ADK: variants seen among roughly 807,000 people sequenced by gnomAD.
ADK encodes adenosine kinase.
In ADK, 24 loss-of-function variants were observed where a neutral mutation model predicts 44.7. The ratio of observed to expected loss-of-function variants is 0.54; its 90% CI spans 0.39 to 0.76. The LOEUF is 0.76. Among genes scored for constraint, ADK ranks in the 30% least tolerant of loss-of-function variants. The pLI is 0.00. For synonymous variants in ADK, 128 were observed against 142.6 expected, an observed-to-expected ratio of 0.90 and a Z score of 0.73; for missense variants, 321 against 425.1, an observed-to-expected ratio of 0.76 and a Z score of 2.15.
At chr10:74,158,342 C>T (rs1465768572) in intron 1 of ADK, among the ~76,000 whole-genome samples, 1 of 152,110 alleles carries the variant, frequency 6.6e-6, no homozygotes, top group Non-Finnish European at 1.5e-5. Context: ...TACCAAATAC[C>T]TCTGAAACTT....
At chr10:74,414,708 C>CT (rs1844308288) in intron 6 of ADK, among the ~76,000 whole-genome samples, 2 of 151,608 alleles carry the variant, frequency 1.3e-5, no homozygotes, top group Non-Finnish European at 2.9e-5. Flanking sequence ...GAGACTCCAT[C>CT]TCAAAAAAAA....
chr10:74,218,367 T>A (rs949508793), intron 2 of ADK, among the ~76,000 whole-genome samples: 39 of 152,156 alleles, frequency 2.6e-4, no homozygotes, highest in Non-Finnish European at 5.3e-4. Flanking sequence ...TATGGGACTA[T>A]GTGAAAAGAC....
At chr10:74,690,830 G>A (rs1001397759) in intron 10 of ADK, among the ~76,000 whole-genome samples, 1 of 152,122 alleles carries the variant, frequency 6.6e-6, no homozygotes, top group Non-Finnish European at 1.5e-5. Flanking sequence ...GACTCCTTTG[G>A]TGCACCCAAA....
At chr10:74,663,418 T>G (rs1051360692) in intron 9 of ADK, among the ~76,000 whole-genome samples, 1 of 151,958 alleles carries the variant, frequency 6.6e-6, no homozygotes, top group African/African-American at 2.4e-5. Context: ...AGAGTCTTAA[T>G]AAATATTTAT....
chr10:74,175,002 CAGTGATAG>C (rs1326039531), intron 1 of ADK, among the ~76,000 whole-genome samples: 6 of 152,286 alleles, frequency 3.9e-5, no homozygotes, highest in African/African-American at 1.4e-4. Flanking sequence ...ATCACAGGGA[CAGTGATAG>C]GTAAAGCTAA....
In ADK at chr10:74,304,867, G is replaced by T. The variant is rs185507624; in HGVS notation, c.195-9800G>T. ...GCTTAAATATCGTGGAACACAAAAAGAAATAGTCTTTAATGCTGTGTTTTA... is the reference window on the plus strand; with the variant it reads ...GCTTAAATATCGTGGAACACAAAAATAAATAGTCTTTAATGCTGTGTTTTA... On this transcript the variant is annotated intron_variant, in intron 3 of 10. Transcript: ENST00000539909. Among the ~76,000 whole-genome samples, 7 of 152,174 alleles carry T rather than the reference G, an allele frequency of 4.6e-5. No individual in the cohort carries two copies. The East Asian group carries it at 1.2e-3, about 25-fold the overall frequency.
At chr10:74,463,210 G>T (rs1589135729) in intron 6 of ADK, among the ~76,000 whole-genome samples, 1 of 152,058 alleles carries the variant, frequency 6.6e-6, no homozygotes, top group Admixed American at 6.6e-5. Context: ...ACAGGGCAGG[G>T]TGGGGGAGGG....
At position 74,614,558 on chromosome 10, in the gene ADK, T is replaced by C. The variant is rs78918491; in HGVS notation, c.877+14065T>C. Among the ~76,000 whole-genome samples, 820 of 152,250 alleles carry C rather than the reference T, an allele frequency of 5.4e-3. 8 individuals carry two copies. The highest frequency in any genetic ancestry group is 0.019 in the African/African-American group (777 of 41,568). ...TCTCCTTGTGCCCCCTCCTAATCTT[T>C]ATCCCCACTGAAGGTAACCATTGTC... On this transcript the variant is annotated intron_variant, in intron 9 of 10. Transcript: ENST00000539909.
intron 9 of ADK, among the ~76,000 whole-genome samples, chr10:74,634,409 G>A (rs1853550689): frequency 1.3e-5 from 2 of 151,884 alleles, no homozygotes; most frequent in South Asian, 4.2e-4. Context: ...TAGTGGAGAC[G>A]GGGTTTCACC....
chr10:74,508,392 G>C (rs1287892671), intron 6 of ADK: 1 of 152,168 alleles, frequency 6.6e-6, no homozygotes, highest in Non-Finnish European at 1.5e-5. Flanking sequence ...GGAGGCAGAA[G>C]ACTTTCTAAC....
chr10:74,597,870 A>G (rs1851975807), intron 8 of ADK, among the ~76,000 whole-genome samples: 1 of 152,184 alleles, frequency 6.6e-6, no homozygotes, highest in Non-Finnish European at 1.5e-5. Flanking sequence ...TAATTTTAGC[A>G]TCACTAAACT....
Position 74,539,673 on chromosome 10 carries a change from G to A in ADK, c.726+14247G>A, listed in dbSNP as rs928677774. Among the ~76,000 whole-genome samples the A allele has an allele frequency of 5.3e-5, 8 of 152,118 alleles. No homozygotes were observed. The East Asian group carries it at 1.2e-3, about 22-fold the overall frequency. ...AAGGAATTGGGAAAGAAACTTTATC[G>A]GAGGATATACATAACCCCTTCAGAA... On this transcript the variant is annotated intron_variant, in intron 7 of 10. Transcript: ENST00000539909.
At chr10:74,308,056 G>A (rs1840315480) in intron 3 of ADK, among the ~76,000 whole-genome samples, 1 of 152,234 alleles carries the variant, frequency 6.6e-6, no homozygotes, top group Middle Eastern at 3.4e-3. Flanking sequence ...CTTACAATGG[G>A]TAGAAACCTA....
chr10:74,187,716 G>GT (rs1344770049), intron 1 of ADK, among the ~76,000 whole-genome samples: 2 of 151,980 alleles, frequency 1.3e-5, no homozygotes, highest in African/African-American at 2.4e-5. Context: ...TTCTCTCATG[G>GT]TTTTTTTCTA....
In ADK at chr10:74,507,474, G is replaced by A. The variant is rs544587372; in HGVS notation, c.556-17782G>A. On this transcript the variant is annotated intron_variant, in intron 6 of 10. Coordinates refer to ENST00000539909, the MANE Select transcript of ADK (RefSeq NM_006721.4). ...CAAAACATCCAAAAATTAACCAGGT[G>A]TGGTGGTGCACACCTGTAGTCTCAG... Among the ~76,000 whole-genome samples, 19 of 152,024 alleles carry A rather than the reference G, an allele frequency of 1.2e-4. No individual in the cohort carries two copies. The South Asian group carries it at 4.0e-3, about 32-fold the overall frequency.
At chr10:74,333,889 C>T (rs1841318950) in intron 4 of ADK, among the ~76,000 whole-genome samples, 1 of 151,574 alleles carries the variant, frequency 6.6e-6, no homozygotes, top group South Asian at 2.1e-4. Flanking sequence ...ACCACAGGGT[C>T]CTGGGTATAT....
chr10:74,528,918 T>C (rs1284655812), intron 7 of ADK, among the ~76,000 whole-genome samples: 1 of 152,114 alleles, frequency 6.6e-6, no homozygotes, highest in African/African-American at 2.4e-5. Flanking sequence ...GTATTGCTGG[T>C]GGGAATGTAA....
At chr10:74,229,171 T>G (rs1844654912) in intron 3 of ADK, among the ~76,000 whole-genome samples, 1 of 152,140 alleles carries the variant, frequency 6.6e-6, no homozygotes, top group African/African-American at 2.4e-5. Context: ...TGCTTGCCAA[T>G]TTACGATTAT....
chr10:74,166,930 GTC>G (rs768541696), intron 1 of ADK, among the ~76,000 whole-genome samples: 2 of 152,128 alleles, frequency 1.3e-5, no homozygotes, highest in African/African-American at 2.4e-5. Context: ...TCCTATTAAG[GTC>G]TCTGTCTGGA....
Sources: allele counts gnomAD v4.1 joint callset (sites outside exome capture counted in the v4.1 genomes callset), GRCh38; gene constraint gnomAD v4.1.1; transcripts MANE v1.5; gene names NCBI Gene and HGNC (gene_info 2026-07-23, HGNC 2026-07-21).